The following DUSP22 variants were observed in gnomAD, a reference collection of about 807,000 sequenced individuals.
The protein encoded by DUSP22 is dual specificity protein phosphatase 22.
In DUSP22, 24 loss-of-function variants were observed where a neutral mutation model predicts 24.5. That is an observed-to-expected ratio of 0.98 (90% CI 0.71 to 1.38). The LOEUF is 1.38. Among genes scored for constraint, DUSP22 ranks in the 40% most tolerant of loss-of-function variants. DUSP22 has a pLI of 0.00. For synonymous variants in DUSP22, 160 were observed against 106.4 expected (o/e 1.50, Z -3.10); for missense variants, 330 against 269.2 (o/e 1.23, Z -1.58).
At chr6:305,674 G>A (rs1232448269) in intron 2 of DUSP22, among the ~76,000 whole-genome samples, 1 of 152,302 alleles carries the variant, frequency 6.6e-6, no homozygotes, top group African/African-American at 2.4e-5. Flanking sequence ...CCTGCCAGGT[G>A]ACCTTCAGAG....
chr6:334,538 T>C (rs1260710846), intron 3 of DUSP22, among the ~76,000 whole-genome samples: 1 of 152,300 alleles, frequency 6.6e-6, no homozygotes, highest in East Asian at 1.9e-4. Context: ...AAGAAAAAAG[T>C]ATTTTTGTTT....
At chr6:300,840 A>T (rs1030722518) in intron 1 of DUSP22, among the ~76,000 whole-genome samples, 1 of 152,306 alleles carries the variant, frequency 6.6e-6, no homozygotes, top group African/African-American at 2.4e-5. Flanking sequence ...TAGGTAGAAC[A>T]GGGCAGACAG....
In DUSP22 at chr6:349,237, G is replaced by C; in HGVS notation, c.*286G>C. On this transcript the variant is annotated 3_prime_UTR_variant, in exon 7 of 7. Transcript: ENST00000419235. The stretch of plus-strand genomic sequence containing the variant: ...TGTGTGAGTGCACTTGTGTGTGGGT[G>C]ACTAAGTGGATGCATGTGTGTGCCT... 7.3e-7 allele frequency: 1 copy of C among 1,366,862 alleles called. No homozygotes were observed. The highest frequency in any genetic ancestry group is 9.5e-7 in the Non-Finnish European group (1 of 1,058,148). The allele number at this position is 1,366,862 out of a possible 1,614,324, so 84.7% of individuals were successfully genotyped here.
At chr6:327,386 G>T (rs1169082894) in intron 3 of DUSP22, among the ~76,000 whole-genome samples, 1 of 152,310 alleles carries the variant, frequency 6.6e-6, no homozygotes, top group East Asian at 1.9e-4. Context: ...GCTACCTGCA[G>T]GTGCCGTGGC....
At chr6:307,221 T>A (rs1300178471) in intron 2 of DUSP22, among the ~76,000 whole-genome samples, 1 of 152,308 alleles carries the variant, frequency 6.6e-6, no homozygotes, top group African/African-American at 2.4e-5. Context: ...CAAGAACCAG[T>A]AGAGTAGAAA....
At chr6:331,444 T>A (rs1323458536) in intron 3 of DUSP22, among the ~76,000 whole-genome samples, 35 of 152,402 alleles carry the variant, frequency 2.3e-4, no homozygotes, top group African/African-American at 7.7e-4. Flanking sequence ...TTTTTTAACC[T>A]CCAAGTTTGT....
At chr6:314,216 G>A (rs930170566) in intron 3 of DUSP22, among the ~76,000 whole-genome samples, 1 of 152,300 alleles carries the variant, frequency 6.6e-6, no homozygotes. Flanking sequence ...GGTGATAAAT[G>A]GTGGGAGAGG....
At chr6:293,455 T>A (rs1757186573) in intron 1 of DUSP22, among the ~76,000 whole-genome samples, 1 of 152,298 alleles carries the variant, frequency 6.6e-6, no homozygotes. Context: ...TTACGGGTCT[T>A]TGAATGGTCC....
At chr6:309,375 T>C (rs1430263864) in intron 2 of DUSP22, among the ~76,000 whole-genome samples, 1 of 152,308 alleles carries the variant, frequency 6.6e-6, no homozygotes, top group Non-Finnish European at 1.5e-5. Context: ...AGAAATAAAC[T>C]TAGGCAAAAT....
chr6:312,112 A>T (rs1758137806), intron 3 of DUSP22, 150 bp downstream of exon 3: 8 of 872,894 alleles, frequency 9.2e-6, no homozygotes. Context: ...GGCCGTGTTG[A>T]TGTTAACACG....
At chr6:347,548 T>G (rs1421584038) in intron 5 of DUSP22, among the ~76,000 whole-genome samples, 5 of 152,296 alleles carry the variant, frequency 3.3e-5, no homozygotes, top group Non-Finnish European at 5.9e-5. Flanking sequence ...GCTCCCACCC[T>G]GCGGACACAG....
intron 2 of DUSP22, among the ~76,000 whole-genome samples, chr6:305,826 A>G (rs931302737): frequency 1.4e-4 from 21 of 152,398 alleles, no homozygotes; most frequent in African/African-American, 5.0e-4. Context: ...TAGGCAGCTA[A>G]TGCTCCTCCC....
chr6:300,554 G>A (rs1182561392), intron 1 of DUSP22, among the ~76,000 whole-genome samples: 2 of 152,308 alleles, frequency 1.3e-5, no homozygotes, highest in Non-Finnish European at 2.9e-5. Context: ...CACATGAGTG[G>A]GAGAGCTGCT....
intron 3 of DUSP22, among the ~76,000 whole-genome samples, chr6:332,941 G>A (rs1208484194): frequency 2.6e-5 from 4 of 152,420 alleles, no homozygotes; most frequent in African/African-American, 2.4e-5. Context: ...TCACTTAAGA[G>A]TAAAAGGAAA....
At chr6:307,402 AG>A in intron 2 of DUSP22, among the ~76,000 whole-genome samples, 1 of 152,388 alleles carries the variant, frequency 6.6e-6, no homozygotes, top group South Asian at 2.1e-4. Context: ...GCAACTCTTA[AG>A]AAAAAAAAGC....
rs981050174 is a variant in DUSP22 at position 351,299 on chromosome 6, G to A, written c.*2348G>A. The stretch of plus-strand genomic sequence containing the variant: ...ATCTCTGGTTTGTGTTCTCCGTGGT[G>A]GAATTGACCGAAAGCTCTATGTTTT... On this transcript the variant is annotated 3_prime_UTR_variant, in exon 7 of 7. Coordinates refer to ENST00000419235, the MANE Select transcript of DUSP22 (RefSeq NM_001286555.3). 2.1e-5 allele frequency: 4 copies of A among 187,108 alleles called. No homozygotes were observed. The highest frequency in any genetic ancestry group is 1.2e-4 in the South Asian group (1 of 8,238). The allele number at this position is 187,108 out of a possible 1,614,324, so 11.6% of individuals were successfully genotyped here. A position where few individuals can be genotyped will look rare whatever the true frequency, so the allele number is the denominator to read the frequency against.
chr6:321,252 A>G (rs1758574822), intron 3 of DUSP22, among the ~76,000 whole-genome samples: 2 of 152,298 alleles, frequency 1.3e-5, no homozygotes, highest in Admixed American at 6.5e-5. Context: ...TTGGGAGCTC[A>G]CCAGGGTGGC....
At chr6:333,053 T>C (rs1191910815) in intron 3 of DUSP22, among the ~76,000 whole-genome samples, 2 of 152,302 alleles carry the variant, frequency 1.3e-5, no homozygotes. Context: ...AGGACTGAAA[T>C]TACTTTTAAC....
At chr6:302,783 A>AT (rs1757643462) in intron 1 of DUSP22, among the ~76,000 whole-genome samples, 1 of 152,304 alleles carries the variant, frequency 6.6e-6, no homozygotes, top group African/African-American at 2.4e-5. Flanking sequence ...CCAGCAAGGA[A>AT]GACTCTATTC....
Sources: gnomAD v4.1 joint callset for allele counts (sites outside exome capture counted in the v4.1 genomes callset) on GRCh38, gnomAD v4.1.1 for gene constraint, MANE v1.5 for transcripts, NCBI Gene and HGNC (gene_info 2026-07-23, HGNC 2026-07-21) for gene names.